The following EPHA7 variants were observed in gnomAD, a reference collection of about 807,000 sequenced individuals.
EPHA7 encodes ephrin type-A receptor 7.
EPHA7 carries 25 observed loss-of-function variants against 112.6 expected under a neutral mutation model. The ratio of observed to expected loss-of-function variants is 0.22; its 90% CI spans 0.16 to 0.31. The LOEUF (loss-of-function observed/expected upper bound fraction) is 0.31, where lower values mean the gene tolerates loss of function less well. EPHA7 is among the 10% of genes least tolerant of loss of function. EPHA7 has a pLI of 1.00. For synonymous variants in EPHA7, 437 were observed against 406.5 expected, an observed-to-expected ratio of 1.07 and a Z score of -0.90; for missense variants, 962 against 1,212.6, an observed-to-expected ratio of 0.79 and a Z score of 3.07.
intron 5 of EPHA7, among the ~76,000 whole-genome samples, chr6:93,302,663 A>G (rs1183316806): frequency 6.6e-6 from 1 of 152,144 alleles, no homozygotes; most frequent in Non-Finnish European, 1.5e-5. Flanking sequence ...AATTTAATTT[A>G]TGAAGTTGTT....
intron 3 of EPHA7, among the ~76,000 whole-genome samples, chr6:93,377,833 A>C (rs570951724): frequency 1.3e-5 from 2 of 152,246 alleles, no homozygotes; most frequent in East Asian, 3.9e-4. Flanking sequence ...TCAGGATCCT[A>C]CATTCCTGAT....
chr6:93,391,869 G>C (rs573758511), intron 3 of EPHA7, among the ~76,000 whole-genome samples: 1 of 151,296 alleles, frequency 6.6e-6, no homozygotes, highest in Non-Finnish European at 1.5e-5. Context: ...AACTCTTCAC[G>C]GTTTATGAGA....
intron 5 of EPHA7, among the ~76,000 whole-genome samples, chr6:93,284,882 A>G (rs1771983186): frequency 6.6e-6 from 1 of 152,080 alleles, no homozygotes; most frequent in African/African-American, 2.4e-5. Flanking sequence ...GCATTAGGAG[A>G]AATACGTAAT....
At chr6:93,334,242 A>G (rs1774745688) in intron 5 of EPHA7, among the ~76,000 whole-genome samples, 1 of 152,064 alleles carries the variant, frequency 6.6e-6, no homozygotes, top group African/African-American at 2.4e-5. Context: ...CGTATACGGA[A>G]ATAAACTCAA....
At chr6:93,315,573 G>T (rs1378110240) in intron 5 of EPHA7, among the ~76,000 whole-genome samples, 1 of 151,992 alleles carries the variant, frequency 6.6e-6, no homozygotes, top group African/African-American at 2.4e-5. Flanking sequence ...GGAAACCAAT[G>T]GTCAAGTCTA....
At chr6:93,324,076 G>A (rs748645684) in intron 5 of EPHA7, among the ~76,000 whole-genome samples, 4 of 151,344 alleles carry the variant, frequency 2.6e-5, no homozygotes, top group Non-Finnish European at 5.9e-5. Flanking sequence ...AAATATTTTT[G>A]AGATTTTTCA....
chr6:93,369,209 CA>C (rs1461364320), intron 3 of EPHA7, among the ~76,000 whole-genome samples: 15 of 151,534 alleles, frequency 9.9e-5, no homozygotes, highest in African/African-American at 3.6e-4. Flanking sequence ...CACACACACA[CA>C]CACACACTTG....
At chr6:93,264,119 AT>A (rs1266049911) in intron 8 of EPHA7, among the ~76,000 whole-genome samples, 1 of 151,604 alleles carries the variant, frequency 6.6e-6, no homozygotes, top group African/African-American at 2.4e-5. Context: ...TAAAAGGAAC[AT>A]TTTAAAAAAT....
chr6:93,272,462 C>T (rs1484519005), intron 5 of EPHA7, 40 bp from the exon 6 acceptor site: 1 of 1,608,054 alleles, frequency 6.2e-7, no homozygotes, highest in Non-Finnish European at 8.5e-7. Context: ...TGAGAAAATT[C>T]ACTGGATGCC....
At chr6:93,387,274 C>T (rs1347566079) in intron 3 of EPHA7, among the ~76,000 whole-genome samples, 2 of 152,128 alleles carry the variant, frequency 1.3e-5, no homozygotes, top group Admixed American at 1.3e-4. Flanking sequence ...CCAGCAGTCT[C>T]TTTGCTACAG....
chr6:93,264,767 A>C, intron 7 of EPHA7, 65 bp from the exon 8 acceptor site: 1 of 825,006 alleles, frequency 1.2e-6, no homozygotes. Flanking sequence ...AGGTTAAATA[A>C]AATTAGAGTT....
At position 93,264,701 on chromosome 6, in the gene EPHA7, A is replaced by G; in HGVS notation, c.1635T>C (p.Ala545=). ...GATTCTGTTCACTGGAGACAGCTGT[A>G]GCTGTAAACAGAGGAAATAGGCTCA... is the stretch of plus-strand genomic sequence containing the variant. The part of the protein sequence containing the change: ...LEEATGKMFE[A]TAVSSEQNPV... Residue 545 remains alanine (A), a splice_region_variant and synonymous_variant, in exon 8 of 17, where the codon GCT becomes GCC. Transcript: ENST00000369303. 6.3e-7 allele frequency: 1 copy of G among 1,586,888 alleles called. No individual in the cohort carries two copies. Among genetic ancestry groups the G allele is most frequent in the South Asian group, 1.1e-5 (1 of 87,578 alleles).
chr6:93,389,343 T>G (rs1777788864), intron 3 of EPHA7, among the ~76,000 whole-genome samples: 1 of 152,092 alleles, frequency 6.6e-6, no homozygotes, highest in African/African-American at 2.4e-5. Flanking sequence ...TAGATACTGC[T>G]AATATTTCCC....
At chr6:93,283,033 C>T (rs1046302956) in intron 5 of EPHA7, among the ~76,000 whole-genome samples, 1 of 152,200 alleles carries the variant, frequency 6.6e-6, no homozygotes, top group African/African-American at 2.4e-5. Flanking sequence ...CCTGCGGCCC[C>T]GGTGCGGGAT....
At position 93,388,595 on chromosome 6, in the gene EPHA7, G is replaced by C. The variant is rs570626074; in HGVS notation, c.832+21906C>G. ...ATCTAATGGGGCACATTACAGTAAA[G>C]TGGGTACATATTGAAAGCCTCTCTG... On this transcript the variant is annotated intron_variant, in intron 3 of 16. Coordinates refer to ENST00000369303, the MANE Select transcript of EPHA7 (RefSeq NM_004440.4). Among the ~76,000 whole-genome samples the C allele has an allele frequency of 2.0e-5, 3 of 152,216 alleles. 1 individual carries two copies. The highest frequency in any genetic ancestry group is 7.2e-5 in the African/African-American group (3 of 41,556).
intron 5 of EPHA7, among the ~76,000 whole-genome samples, chr6:93,300,987 G>GT (rs1772950097): frequency 6.6e-6 from 1 of 152,134 alleles, no homozygotes; most frequent in Non-Finnish European, 1.5e-5. Context: ...TAACACAAAG[G>GT]TAAGTATTTG....
rs1244782481 is a variant in EPHA7 at position 93,240,545 on chromosome 6, A to G, written c.*2881T>C. 4.5e-6 allele frequency: 1 copy of G among 220,468 alleles called. No individual in the cohort carries two copies. Among genetic ancestry groups the G allele is most frequent in the Non-Finnish European group, 9.1e-6 (1 of 110,144 alleles). 13.7% of individuals were successfully genotyped at this position (220,468 alleles called of 1,614,324 possible). A position where few individuals can be genotyped will look rare whatever the true frequency, so the allele number is the denominator to read the frequency against. On this transcript the variant is annotated 3_prime_UTR_variant, in exon 17 of 17. Transcript: ENST00000369303. The stretch of plus-strand genomic sequence containing the variant: ...AACAAGGACCAGATCAATTGCTGAG[A>G]AAATGTTAGATTCAAATGTAGAACA...
In EPHA7 at chr6:93,395,575, T is replaced by TCACACACA. The variant is rs4053540; in HGVS notation, c.832+14918_832+14925dup. On this transcript the variant is annotated intron_variant, in intron 3 of 16. Coordinates refer to ENST00000369303, the MANE Select transcript of EPHA7 (RefSeq NM_004440.4). ...GGATAAGGATATATCTTTACTTATT[T>TCACACACA]CACACACACACACACACACACACAC... Among the ~76,000 whole-genome samples the TCACACACA allele has an allele frequency of 7.1e-3, 1,035 of 145,516 alleles. 11 individuals are homozygous for TCACACACA. Among genetic ancestry groups the TCACACACA allele is most frequent in the African/African-American group, 0.018 (716 of 39,634 alleles).
At chr6:93,405,789 G>A (rs1778667868) in intron 3 of EPHA7, among the ~76,000 whole-genome samples, 1 of 49,316 alleles carries the variant, frequency 2.0e-5, no homozygotes, top group African/African-American at 7.3e-5. Flanking sequence ...ATATATGTGT[G>A]TGTGTGTGTG....
Sources: gnomAD v4.1 joint callset for allele counts (sites outside exome capture counted in the v4.1 genomes callset) on GRCh38, gnomAD v4.1.1 for gene constraint, MANE v1.5 for transcripts, NCBI Gene and HGNC (gene_info 2026-07-23, HGNC 2026-07-21) for gene names.